NOC3L: variants seen among roughly 807,000 people sequenced by gnomAD.
NOC3L encodes nucleolar complex protein 3 homolog.
In NOC3L, 85 loss-of-function variants were observed where a neutral mutation model predicts 102.5. The observed-to-expected ratio is 0.83, with a 90% CI of 0.70 to 0.99. The LOEUF (loss-of-function observed/expected upper bound fraction) is 0.99. Ranked by LOEUF, NOC3L falls within the 50% of genes least tolerant of loss-of-function variation. The probability of loss-of-function intolerance (pLI) is 0.00; values close to 1 mark genes in which losing one functional copy is unlikely to be tolerated. For synonymous variants in NOC3L, 303 were observed against 309.4 expected, an observed-to-expected ratio of 0.98 and a Z score of 0.22; for missense variants, 878 against 914.9, an observed-to-expected ratio of 0.96 and a Z score of 0.52.
At chr10:94,343,739 T>C (rs2054312301) in intron 13 of NOC3L, among the ~76,000 whole-genome samples, 1 of 152,184 alleles carries the variant, frequency 6.6e-6, no homozygotes, top group Non-Finnish European at 1.5e-5. Context: ...ACCAAACAAC[T>C]CATTAATGTT....
chr10:94,356,686 A>G, intron 4 of NOC3L, 95 bp from the exon 5 acceptor site: 1 of 768,408 alleles, frequency 1.3e-6, no homozygotes. Context: ...AAAACTCAGG[A>G]TAGCAGTTAC....
chr10:94,331,640 G>A (rs1382372795), downstream of NOC3L: 1 of 151,964 alleles, frequency 6.6e-6, no homozygotes, highest in African/African-American at 2.4e-5. Context: ...GATATACCTG[G>A]GACCCCAAAA....
At chr10:94,329,763 C>T (rs547157246), downstream of NOC3L, 3 of 109,526 alleles carry the variant, frequency 2.7e-5, no homozygotes, top group Admixed American at 1.5e-4. Flanking sequence ...GGTGACAGAG[C>T]GAGACTCCGT....
intron 14 of NOC3L, among the ~76,000 whole-genome samples, chr10:94,340,710 G>C (rs905840560): frequency 2.6e-5 from 4 of 151,890 alleles, no homozygotes; most frequent in Admixed American, 2.6e-4. Flanking sequence ...GGCCGGGCGC[G>C]GTGGCTCACG....
chr10:94,347,945 A>T (rs965890315), intron 10 of NOC3L, among the ~76,000 whole-genome samples: 1 of 151,958 alleles, frequency 6.6e-6, no homozygotes, highest in Non-Finnish European at 1.5e-5. Flanking sequence ...AATAAATAAG[A>T]ATATTGTGGA....
At chr10:94,340,191 T>C in intron 16 of NOC3L, 85 bp downstream of exon 16, 3 of 1,141,250 alleles carry the variant, frequency 2.6e-6, no homozygotes, top group Non-Finnish European at 3.8e-6. Context: ...CCTGTTCCTA[T>C]TTCTCATTTG....
At chr10:94,354,030 T>C (rs2054453536) in intron 6 of NOC3L, among the ~76,000 whole-genome samples, 1 of 152,200 alleles carries the variant, frequency 6.6e-6, no homozygotes, top group Admixed American at 6.5e-5. Flanking sequence ...AAGGCTCAAT[T>C]TTCCAGCTGT....
Position 94,340,499 on chromosome 10 carries a change from T to TA in NOC3L, c.1645-4_1645-3insT, listed in dbSNP as rs1388351593. 5 of 872,480 alleles carry TA rather than the reference T, an allele frequency of 5.7e-6. No homozygotes were observed. Among genetic ancestry groups the TA allele is most frequent in the Non-Finnish European group, 6.9e-6 (4 of 581,666 alleles). 54.0% of individuals were successfully genotyped at this position (872,480 alleles called of 1,614,324 possible). A position where few individuals can be genotyped will look rare whatever the true frequency, so the allele number is the denominator to read the frequency against. ...AGACTTTCTTGATAGCTTAGGTCCT[T>TA]TAAAAAAAAAAGGGGGGGGTGAGGG... On this transcript the variant is annotated splice_polypyrimidine_tract_variant and splice_region_variant and intron_variant, in intron 14 of 20. Coordinates refer to ENST00000371361, the MANE Select transcript of NOC3L (RefSeq NM_022451.11).
intron 9 of NOC3L, among the ~76,000 whole-genome samples, chr10:94,349,789 C>T (rs553800378): frequency 2.0e-5 from 3 of 151,864 alleles, no homozygotes; most frequent in African/African-American, 4.8e-5. Flanking sequence ...GACAGAGTCT[C>T]GCTCTATTGC....
chr10:94,358,238 CAAAG>C (rs749457941), intron 2 of NOC3L, 23 bp from the exon 3 acceptor site: 19 of 1,180,914 alleles, frequency 1.6e-5, no homozygotes, highest in South Asian at 6.3e-5. Context: ...CACACACACA[CAAAG>C]AAAAATTAGA....
chr10:94,362,757 G>C, intron 1 of NOC3L, 73 bp downstream of exon 1: 2 of 1,542,480 alleles, frequency 1.3e-6, no homozygotes, highest in Non-Finnish European at 9.0e-7. Context: ...CTGCCTAAAA[G>C]CTAACTCAGG....
chr10:94,335,648 T>C lies in NOC3L; in HGVS notation c.2190-930A>G, dbSNP rs190336658. Among the ~76,000 whole-genome samples the C allele has an allele frequency of 4.6e-4, 70 of 152,276 alleles. No individual in the cohort carries two copies. The East Asian group carries it at 0.011, about 24-fold the overall frequency. ...TACTGTCATGTAAAATACAAGCCAATGTCACCAAACCTCCCAGTATTTCAA... is the reference window on the plus strand; with the variant it reads ...TACTGTCATGTAAAATACAAGCCAACGTCACCAAACCTCCCAGTATTTCAA... On this transcript the variant is annotated intron_variant, in intron 19 of 20. Coordinates refer to ENST00000371361, the MANE Select transcript of NOC3L (RefSeq NM_022451.11).
At position 94,338,664 on chromosome 10, in the gene NOC3L, C is replaced by T; in HGVS notation, c.2035G>A (p.Glu679Lys). 2 of 1,613,348 alleles carry T rather than the reference C, an allele frequency of 1.2e-6. No homozygotes were observed. Among genetic ancestry groups the T allele is most frequent in the Non-Finnish European group, 1.7e-6 (2 of 1,179,460 alleles). Residue 679 changes from glutamate (E) to lysine (K), a missense_variant, in exon 18 of 21, where the codon GAG becomes AAG. Glu to Lys is a moderately conservative substitution (Grantham distance 56, BLOSUM62 1). Coordinates refer to ENST00000371361, the MANE Select transcript of NOC3L (RefSeq NM_022451.11). ...TTCTGAGCATTGCAGTACTCAGGCT[C>T]ATCCAGTTCAGGAAGGAAAACTCCA... ...GSGVFLPELD[E>K]PEYCNAQNTA...
At chr10:94,351,758 C>G (rs1169014993) in intron 8 of NOC3L, among the ~76,000 whole-genome samples, 1 of 151,268 alleles carries the variant, frequency 6.6e-6, no homozygotes, top group Non-Finnish European at 1.5e-5. Flanking sequence ...AAACTCCTAG[C>G]TTCGAGCAAT....
intron 8 of NOC3L, among the ~76,000 whole-genome samples, chr10:94,351,538 T>C (rs2054418461): frequency 6.6e-6 from 1 of 152,220 alleles, no homozygotes; most frequent in African/African-American, 2.4e-5. Flanking sequence ...TATTTATTCA[T>C]TTCTTTTGAG....
At position 94,362,872 on chromosome 10, in the gene NOC3L, T is replaced by C; in HGVS notation, c.-34A>G. 2 of 1,613,910 alleles carry C rather than the reference T, an allele frequency of 1.2e-6. No individual in the cohort carries two copies. Among genetic ancestry groups the C allele is most frequent in the African/African-American group, 1.3e-5 (1 of 75,054 alleles). On this transcript the variant is annotated 5_prime_UTR_variant, in exon 1 of 21. Transcript: ENST00000371361. Reference sequence around the variant, plus strand: ...CTTAAATGAATGCCGGCCAGACAAGTTCACCAGAAGCAGGGTTACTACAGA... The same window carrying C: ...CTTAAATGAATGCCGGCCAGACAAGCTCACCAGAAGCAGGGTTACTACAGA...
At chr10:94,347,654 T>A (rs1412946398) in intron 10 of NOC3L, among the ~76,000 whole-genome samples, 3 of 152,152 alleles carry the variant, frequency 2.0e-5, no homozygotes, top group African/African-American at 7.2e-5. Context: ...AATAAAATGG[T>A]AGAACAGCTT....
At chr10:94,354,001 C>T (rs752339147) in intron 6 of NOC3L, among the ~76,000 whole-genome samples, 1 of 152,060 alleles carries the variant, frequency 6.6e-6, no homozygotes, top group Non-Finnish European at 1.5e-5. Flanking sequence ...AAATCTGGAA[C>T]AAATCACTTG....
the NOC3L span, chr10:94,316,528 G>A: frequency 7.7e-6 from 12 of 1,552,482 alleles, no homozygotes; most frequent in Non-Finnish European, 9.8e-6. Context: ...TCCTCAGTTT[G>A]CCTTCACTTT....
Sources: allele counts gnomAD v4.1 joint callset (sites outside exome capture counted in the v4.1 genomes callset), GRCh38; gene constraint gnomAD v4.1.1; transcripts MANE v1.5; gene names NCBI Gene and HGNC (gene_info 2026-07-23, HGNC 2026-07-21).